Variants in SDK1 observed in about 807,000 individuals in gnomAD.
The protein encoded by SDK1 is sidekick cell adhesion molecule 1.
SDK1 carries 157 observed loss-of-function variants against 245.5 expected under a neutral mutation model. The observed-to-expected ratio is 0.64, with a 90% confidence interval of 0.56 to 0.73. SDK1 has a LOEUF of 0.73. SDK1 is among the 30% of genes least tolerant of loss of function. The pLI, the probability that SDK1 is intolerant of heterozygous loss-of-function variation, is 0.00. For missense variants in SDK1, 3,583 were observed against 3,002.3 expected (o/e 1.19, Z -4.52); for synonymous variants, 1,647 against 1,278.5 (o/e 1.29, Z -6.15).
intron 4 of SDK1, among the ~76,000 whole-genome samples, chr7:3,714,783 G>A (rs1001599141): frequency 6.6e-6 from 1 of 152,116 alleles, no homozygotes; most frequent in Non-Finnish European, 1.5e-5. Flanking sequence ...TTTGTAGGAC[G>A]GTTCATTTCC....
intron 13 of SDK1, among the ~76,000 whole-genome samples, chr7:3,983,096 C>T (rs1783544378): frequency 6.6e-6 from 1 of 152,142 alleles, no homozygotes; most frequent in South Asian, 2.1e-4. Flanking sequence ...TATAGATGAG[C>T]AAAGCAAGTG....
intron 4 of SDK1, among the ~76,000 whole-genome samples, chr7:3,745,170 T>A (rs1367141505): frequency 6.6e-6 from 1 of 152,228 alleles, no homozygotes; most frequent in East Asian, 1.9e-4. Context: ...GGGAAGGTCC[T>A]GTGGTATCTC....
chr7:3,972,144 A>G (rs185161708), intron 12 of SDK1, among the ~76,000 whole-genome samples: 146 of 144,118 alleles, frequency 1.0e-3, no homozygotes, highest in African/African-American at 3.7e-3. Flanking sequence ...CAGTGGCATT[A>G]TCTCAGCTCA....
intron 1 of SDK1, among the ~76,000 whole-genome samples, chr7:3,440,603 A>G (rs1324555869): frequency 3.3e-5 from 5 of 152,148 alleles, no homozygotes; most frequent in Non-Finnish European, 5.9e-5. Flanking sequence ...GTATAGGAGT[A>G]GTGTTGTTGG....
chr7:4,223,628 C>G (rs1785258408), intron 40 of SDK1, among the ~76,000 whole-genome samples: 1 of 152,194 alleles, frequency 6.6e-6, no homozygotes, highest in South Asian at 2.1e-4. Context: ...GCCAGTCATA[C>G]TAGACTGGGG....
intron 25 of SDK1, among the ~76,000 whole-genome samples, chr7:4,115,847 G>T (rs1341569859): frequency 6.6e-6 from 1 of 152,242 alleles, no homozygotes; most frequent in Admixed American, 6.5e-5. Flanking sequence ...GCTGGAAACT[G>T]CCTTAGGAGA....
chr7:4,189,363 T>G (rs1584403996), intron 35 of SDK1, among the ~76,000 whole-genome samples: 1 of 152,112 alleles, frequency 6.6e-6, no homozygotes, highest in East Asian at 1.9e-4. Context: ...CTCAGGCATG[T>G]TAAATATTAG....
Position 4,265,280 on chromosome 7 carries a change from G to A in SDK1, c.6538G>A (p.Ala2180Thr), listed in dbSNP as rs776425840. The A allele has an allele frequency of 9.4e-6, 15 of 1,588,472 alleles. No homozygotes were observed. Among genetic ancestry groups the A allele is most frequent in the African/African-American group, 1.3e-5 (1 of 74,626 alleles). ...YEAVAGSEAG[A>T]QLHPVITTQS... ...GGCGGTGGCGGGCTCCGAGGCGGGC[G>A]CGCAGCTGCACCCGGTCATCACCAC... is the stretch of plus-strand genomic sequence containing the variant. The change falls in exon 45 of 45, where the codon GCG becomes ACG. Residue 2180 changes from alanine to threonine, a missense_variant. By Grantham distance (58) the Ala-to-Thr change is moderately conservative. Transcript: ENST00000404826.
At chr7:3,998,995 C>G (rs1477483910) in intron 14 of SDK1, among the ~76,000 whole-genome samples, 1 of 152,176 alleles carries the variant, frequency 6.6e-6, no homozygotes, top group African/African-American at 2.4e-5. Context: ...CATCTCTTTG[C>G]ATTCTTCTCC....
intron 37 of SDK1, among the ~76,000 whole-genome samples, chr7:4,209,308 C>T (rs965508946): frequency 3.9e-5 from 6 of 152,146 alleles, no homozygotes; most frequent in Admixed American, 3.9e-4. Flanking sequence ...GGTGCCACTT[C>T]ACAGGCACTT....
chr7:3,851,758 C>T (rs574401969), intron 5 of SDK1, among the ~76,000 whole-genome samples: 1 of 152,084 alleles, frequency 6.6e-6, no homozygotes, highest in Non-Finnish European at 1.5e-5. Flanking sequence ...CCAGAAGAAA[C>T]GGCCTTTGGA....
chr7:3,860,491 A>G (rs578010063), intron 5 of SDK1, among the ~76,000 whole-genome samples: 1 of 152,236 alleles, frequency 6.6e-6, no homozygotes, highest in Non-Finnish European at 1.5e-5. Context: ...TCAAACATTT[A>G]AGAAGTTTGA....
chr7:3,911,450 C>A (rs1455946426), intron 5 of SDK1, among the ~76,000 whole-genome samples: 2 of 152,128 alleles, frequency 1.3e-5, no homozygotes, highest in Admixed American at 6.5e-5. Flanking sequence ...GGTGAGGGCT[C>A]ATTTCTTGGT....
chr7:3,560,236 C>G (rs1355237165), intron 1 of SDK1, among the ~76,000 whole-genome samples: 1 of 152,184 alleles, frequency 6.6e-6, no homozygotes, highest in Non-Finnish European at 1.5e-5. Context: ...GTACGTACTT[C>G]TATTGCTTTT....
At chr7:4,235,349 A>G (rs537052558) in intron 41 of SDK1, among the ~76,000 whole-genome samples, 153 of 152,222 alleles carry the variant, frequency 1.0e-3, no homozygotes, top group Non-Finnish European at 1.5e-3. Context: ...TTTTTAGTAG[A>G]TACAGGGTTT....
intron 1 of SDK1, among the ~76,000 whole-genome samples, chr7:3,461,006 C>G (rs1291742238): frequency 6.6e-6 from 1 of 152,156 alleles, no homozygotes; most frequent in Non-Finnish European, 1.5e-5. Flanking sequence ...ACATATCTGA[C>G]TTGGAAATTT....
intron 4 of SDK1, among the ~76,000 whole-genome samples, chr7:3,764,281 C>T (rs919947020): frequency 2.6e-5 from 4 of 152,156 alleles, no homozygotes; most frequent in South Asian, 2.1e-4. Context: ...TGCTTTAAAA[C>T]TTGATCTAAG....
intron 41 of SDK1, among the ~76,000 whole-genome samples, chr7:4,235,198 T>C (rs1211922580): frequency 2.0e-5 from 3 of 152,050 alleles, no homozygotes; most frequent in Non-Finnish European, 2.9e-5. Context: ...GGAGTCTCAC[T>C]CTGTTGCCCA....
At chr7:3,779,054 A>G (rs1780646219) in intron 4 of SDK1, among the ~76,000 whole-genome samples, 1 of 152,252 alleles carries the variant, frequency 6.6e-6, no homozygotes, top group South Asian at 2.1e-4. Context: ...TAACAAAGGC[A>G]GTATTAAATT....
Sources: gnomAD v4.1 joint callset for allele counts (sites outside exome capture counted in the v4.1 genomes callset) on GRCh38, gnomAD v4.1.1 for gene constraint, MANE v1.5 for transcripts, NCBI Gene and HGNC (gene_info 2026-07-23, HGNC 2026-07-21) for gene names.